APC2: variants seen among roughly 807,000 people sequenced by gnomAD.
The protein encoded by APC2 is APC regulator of Wnt signaling pathway 2.
In APC2, 41 loss-of-function variants were observed where a neutral mutation model predicts 72.5. The observed-to-expected ratio is 0.57, with a 90% CI of 0.44 to 0.73. The LOEUF is 0.73. APC2 is among the 30% of genes least tolerant of loss of function. The pLI is 0.00. For missense variants in APC2, 3,729 were observed against 3,403.4 expected (o/e 1.10, Z -2.38); for synonymous variants, 1,898 against 1,612.0 (o/e 1.18, Z -4.25).
intron 10 of APC2, chr19:1,458,433 A>T (rs895336360): frequency 2.9e-5 from 6 of 208,150 alleles, no homozygotes; most frequent in Admixed American, 2.2e-4. Context: ...TCTCTTTGTC[A>T]ATATAAAAAG....
chr19:1,467,440 CG>C lies in APC2; in HGVS notation c.4141del (p.Ala1381ProfsTer199). ...PVPVYMLVPA[P>X]APAQEDDSCT... ...CCCGTCTACATGTTGGTGCCCGCCCCGGCCCCGGCCCAGGAGGACGACTCCT... is the reference window on the plus strand; with the variant it reads ...CCCGTCTACATGTTGGTGCCCGCCCCGCCCCGGCCCAGGAGGACGACTCCT... On this transcript the variant is annotated frameshift_variant, in exon 15 of 15. Transcript: ENST00000590469. LOFTEE classifies it low-confidence loss of function (END_TRUNC). The C allele has an allele frequency of 6.8e-7, 1 of 1,478,076 alleles. No homozygotes were observed. The allele number at this position is 1,478,076 out of a possible 1,614,324, so 91.6% of individuals were successfully genotyped here.
Position 1,453,432 on chromosome 19 carries a change from C to T in APC2, c.234C>T (p.Ala78=), listed in dbSNP as rs1489035351. The T allele has an allele frequency of 1.2e-6, 2 of 1,602,070 alleles. No homozygotes were observed. The highest frequency in any genetic ancestry group is 1.7e-6 in the Non-Finnish European group (2 of 1,172,138). The change falls in exon 4 of 15, where the codon GCC becomes GCT. Residue 78 remains alanine (A), a splice_region_variant and synonymous_variant. Coordinates refer to ENST00000590469, the MANE Select transcript of APC2 (RefSeq NM_005883.3). ...TCCGCCCTGTCCCCGCCCATCCAGC[C>T]CTACAGATGGACATCACCAGCCTGT... ...GQTEVLEQLK[A]LQMDITSLYN...
Position 1,453,064 on chromosome 19 carries a change from G to C in APC2, c.63G>C (p.Glu21Asp), listed in dbSNP as rs747551361. Residue 21 changes from glutamate (E) to aspartate (D), a missense_variant, in exon 2 of 15, where the codon GAG (glutamate) becomes GAC (aspartate). Glu to Asp is a conservative substitution (Grantham distance 45, BLOSUM62 2). Coordinates refer to ENST00000590469, the MANE Select transcript of APC2 (RefSeq NM_005883.3). ...LVRQVEALKA[E>D]NSHLRQELRD... ...GGCAGGTGGAGGCCTTGAAGGCTGA[G>C]AACAGCCACCTGAGGCAGGAGCTAA... 110 of 1,610,678 alleles carry C rather than the reference G, an allele frequency of 6.8e-5. No homozygotes were observed. The Middle Eastern group carries it at 1.0e-3, about 15-fold the overall frequency.
chr19:1,467,389 T>A lies in APC2; in HGVS notation c.4088T>A (p.Val1363Glu). The A allele has an allele frequency of 6.7e-7, 1 of 1,487,220 alleles. No homozygotes were observed. The highest frequency in any genetic ancestry group is 8.9e-7 in the Non-Finnish European group (1 of 1,124,434). The allele number at this position is 1,487,220 out of a possible 1,614,324, so 92.1% of individuals were successfully genotyped here. ...ARLRKVASAL[V>E]PGRRALPVPV... Reference sequence around the variant, plus strand: ...CTGCGCAAGGTGGCCTCCGCGCTGGTGCCAGGTCGCCGCGCACTCCCCGTG... The same window carrying A: ...CTGCGCAAGGTGGCCTCCGCGCTGGAGCCAGGTCGCCGCGCACTCCCCGTG... The change falls in exon 15 of 15, where the codon GTG (valine) becomes GAG (glutamate). Residue 1363 changes from valine (V) to glutamate (E), a missense_variant. Transcript: ENST00000590469.
In APC2 at chr19:1,469,913, C is replaced by T; in HGVS notation, c.6612C>T (p.Ser2204=). The part of the protein sequence containing the change: ...EEVAAPKTNS[S]TSPSLETREP... ...TCGCCGCCCCCAAGACCAACTCCAG[C>T]ACGTCCCCGAGCCTGGAGACCAGGG... Residue 2204 remains serine, a synonymous_variant, in exon 15 of 15, where the codon AGC becomes AGT. Transcript: ENST00000590469. The T allele has an allele frequency of 6.6e-7, 1 of 1,522,192 alleles. No individual in the cohort carries two copies. The highest frequency in any genetic ancestry group is 8.8e-7 in the Non-Finnish European group (1 of 1,141,362). 94.3% of individuals were successfully genotyped at this position (1,522,192 alleles called of 1,614,324 possible). A position where few individuals can be genotyped will look rare whatever the true frequency, so the allele number is the denominator to read the frequency against.
intron 14 of APC2, among the ~76,000 whole-genome samples, chr19:1,463,626 T>C (rs2083961200): frequency 6.7e-6 from 1 of 149,946 alleles, no homozygotes; most frequent in Non-Finnish European, 1.5e-5. Context: ...GGCGTCCACA[T>C]GTAGTTCCAG....
chr19:1,454,567 T>TC (rs1569140959), intron 4 of APC2, among the ~76,000 whole-genome samples: 2 of 145,604 alleles, frequency 1.4e-5, no homozygotes, highest in Non-Finnish European at 3.0e-5. Context: ...TTTGTACTTT[T>TC]TTTTTTTTTT....
In APC2 at chr19:1,457,132, A is replaced by C. The variant is rs757198619; in HGVS notation, c.1096A>C (p.Lys366Gln). The change falls in exon 9 of 15, where the codon AAG becomes CAG. Residue 366 changes from lysine (K) to glutamine (Q), a missense_variant. By Grantham distance (53) the Lys-to-Gln change is moderately conservative. Transcript: ENST00000590469. Reference sequence around the variant, plus strand: ...GCAGCCGGACCAGGGCCTGGCGCGCAAGGAGATGCGCGTCCTGCACGTGCT... The same window carrying C: ...GCAGCCGGACCAGGGCCTGGCGCGCCAGGAGATGCGCGTCCTGCACGTGCT... Reference protein sequence around the residue: ...FSQPDQGLARKEMRVLHVLEQ... With the variant: ...FSQPDQGLARQEMRVLHVLEQ... The C allele has an allele frequency of 2.5e-6, 4 of 1,589,454 alleles. No individual in the cohort carries two copies. The highest frequency in any genetic ancestry group is 1.1e-5 in the South Asian group (1 of 87,542).
chr19:1,458,975 C>A (rs779413722), intron 10 of APC2, among the ~76,000 whole-genome samples: 1 of 152,150 alleles, frequency 6.6e-6, no homozygotes, highest in East Asian at 1.9e-4. Context: ...CGAGCCACCA[C>A]GCCCGGCCAC....
intron 14 of APC2, among the ~76,000 whole-genome samples, chr19:1,463,169 C>A (rs1012530459): frequency 1.3e-5 from 2 of 151,294 alleles, no homozygotes; most frequent in African/African-American, 4.9e-5. Flanking sequence ...CACCTGTAAT[C>A]CCACTTTGGG....
chr19:1,457,663 A>G (rs111623392), intron 9 of APC2: 8 of 525,216 alleles, frequency 1.5e-5, no homozygotes, highest in African/African-American at 1.2e-4. Flanking sequence ...ATGCTACTGC[A>G]CTCCAGTCTG....
chr19:1,464,878 C>A (rs2083981353), intron 14 of APC2, among the ~76,000 whole-genome samples: 1 of 151,364 alleles, frequency 6.6e-6, no homozygotes, highest in Non-Finnish European at 1.5e-5. Flanking sequence ...GGGGATCCAC[C>A]CCACTTGGCC....
In APC2 at chr19:1,468,796, T is replaced by C; in HGVS notation, c.5495T>C (p.Val1832Ala). The C allele has an allele frequency of 1.3e-6, 2 of 1,527,624 alleles. No individual in the cohort carries two copies. Among genetic ancestry groups the C allele is most frequent in the Non-Finnish European group, 8.8e-7 (1 of 1,140,370 alleles). 94.6% of individuals were successfully genotyped at this position (1,527,624 alleles called of 1,614,324 possible). Residue 1832 changes from valine to alanine, a missense_variant, in exon 15 of 15, where the codon GTC becomes GCC. Physicochemically the swap from Val to Ala is moderately conservative, Grantham distance 64 (BLOSUM62 0). Transcript: ENST00000590469. ...CLAQPAAPAK[V>A]PSPGQQRSRS... is the part of the protein sequence containing the mutation. ...GCACAGCCCGCGGCTCCAGCCAAAG[T>C]CCCGAGCCCCGGGCAGCAGCGGTCG...
rs1310930418 is a variant in APC2, at chr19:1,467,516, G to A, written c.4215G>A (p.Ser1405=). The A allele has an allele frequency of 1.6e-5, 23 of 1,469,294 alleles. No homozygotes were observed. In the East Asian group the frequency reaches 5.8e-4, roughly 37 times the overall value. 91.0% of individuals were successfully genotyped at this position (1,469,294 alleles called of 1,614,324 possible). A position where few individuals can be genotyped will look rare whatever the true frequency, so the allele number is the denominator to read the frequency against. ...GTPVNFSSAA[S]LSDETLQGPP... is the part of the protein sequence containing the mutation. ...CGGTCAACTTCTCTAGCGCCGCCTC[G>A]CTCAGCGACGAGACGCTGCAGGGAC... Residue 1405 remains serine (S), a synonymous_variant, in exon 15 of 15, where the codon TCG becomes TCA. Coordinates refer to ENST00000590469, the MANE Select transcript of APC2 (RefSeq NM_005883.3).
In APC2 at chr19:1,468,520, A is replaced by C; in HGVS notation, c.5219A>C (p.Gln1740Pro). The change falls in exon 15 of 15, where the codon CAG (glutamine) becomes CCG (proline). Residue 1740 changes from glutamine (Q) to proline (P), a missense_variant. Physicochemically the swap from Gln to Pro is moderately conservative, Grantham distance 76 (BLOSUM62 -1). Coordinates refer to ENST00000590469, the MANE Select transcript of APC2 (RefSeq NM_005883.3). Reference sequence around the variant, plus strand: ...CCCCCCAAGCACAGGAAGGGACGACAGGCGGAGGGAGAAATGGGCAGTGCC... The same window carrying C: ...CCCCCCAAGCACAGGAAGGGACGACCGGCGGAGGGAGAAATGGGCAGTGCC... ...LQPPKHRKGR[Q>P]AEGEMGSARR... is the part of the protein sequence containing the mutation. 1.2e-6 allele frequency: 2 copies of C among 1,602,568 alleles called. No homozygotes were observed. The highest frequency in any genetic ancestry group is 8.5e-7 in the Non-Finnish European group (1 of 1,174,016).
At position 1,462,190 on chromosome 19, in the gene APC2, C is replaced by G; in HGVS notation, c.1853+13C>G. 6.5e-7 allele frequency: 1 copy of G among 1,530,036 alleles called. No individual in the cohort carries two copies. The highest frequency in any genetic ancestry group is 1.2e-5 in the South Asian group (1 of 81,482). The allele number at this position is 1,530,036 out of a possible 1,614,324, so 94.8% of individuals were successfully genotyped here. A position where few individuals can be genotyped will look rare whatever the true frequency, so the allele number is the denominator to read the frequency against. On this transcript the variant is annotated intron_variant, in intron 14 of 14. Transcript: ENST00000590469. ...GTGAGGACTACAGGTCGGCCCCCAC[C>G]CCCCCACCCGCACACAGGCAGCTGC...
At chr19:1,460,051 G>A in intron 10 of APC2, 130 bp from the exon 11 acceptor site, 1 of 1,266,546 alleles carries the variant, frequency 7.9e-7, no homozygotes, top group Non-Finnish European at 1.1e-6. Context: ...TCTCAGACTT[G>A]GGCCTGGAAG....
At chr19:1,448,172 G>A (rs113193585), upstream of APC2, among the ~76,000 whole-genome samples, 5,603 of 151,992 alleles carry the variant, frequency 0.037, 158 homozygotes, top group Middle Eastern at 0.082. Flanking sequence ...ACCCCACCAC[G>A]CGCCCTACCC....
Position 1,470,112 on chromosome 19 carries a change from C to T in APC2, c.6811C>T (p.Pro2271Ser), listed in dbSNP as rs771322265. Residue 2271 changes from proline to serine, a missense_variant, in exon 15 of 15, where the codon CCC becomes TCC. Pro to Ser is a moderately conservative substitution (Grantham distance 74). Transcript: ENST00000590469. ...CTCCCCCAGCCGCTCGGCCCGAGTA[C>T]CCCCCTTCAACTATGTGCCCAGCCC... ...HGSPSRSARV[P>S]PFNYVPSPMV... 1.1e-5 allele frequency: 17 copies of T among 1,605,604 alleles called. No homozygotes were observed. The highest frequency in any genetic ancestry group is 1.7e-5 in the Admixed American group (1 of 59,632).
Sources: allele counts gnomAD v4.1 joint callset (sites outside exome capture counted in the v4.1 genomes callset), GRCh38; gene constraint gnomAD v4.1.1; transcripts MANE v1.5; gene names NCBI Gene and HGNC (gene_info 2026-07-23, HGNC 2026-07-21).